The following PKHD1L1 variants were observed in gnomAD, a reference collection of about 807,000 sequenced individuals.
PKHD1L1 encodes the protein fibrocystin-L.
A neutral mutation model predicts 462.9 loss-of-function variants in PKHD1L1; 434 were observed. That is an observed-to-expected ratio of 0.94 (90% CI 0.87 to 1.02). The LOEUF is 1.02. Ranked by LOEUF, PKHD1L1 falls within the 50% of genes least tolerant of loss-of-function variation. The pLI, the probability that PKHD1L1 is intolerant of heterozygous loss-of-function variation, is 0.00. For missense variants in PKHD1L1, 5,202 were observed against 5,096.1 expected, an observed-to-expected ratio of 1.02 and a Z score of -0.63; for synonymous variants, 1,781 against 1,750.0, an observed-to-expected ratio of 1.02 and a Z score of -0.44.
At chr8:109,427,266 C>A in intron 25 of PKHD1L1, 110 bp downstream of exon 25, 1 of 854,470 alleles carries the variant, frequency 1.2e-6, no homozygotes, top group Non-Finnish European at 1.8e-6. Context: ...AAAATTCAAA[C>A]CATAAACTAA....
intron 71 of PKHD1L1, among the ~76,000 whole-genome samples, chr8:109,513,440 G>A (rs1290004822): frequency 2.0e-5 from 3 of 152,080 alleles, no homozygotes; most frequent in Admixed American, 1.3e-4. Flanking sequence ...ACTGCAGCAT[G>A]TTATTTTTAA....
In PKHD1L1 at chr8:109,429,432, C is replaced by G; in HGVS notation, c.3093C>G (p.Asp1031Glu). The G allele has an allele frequency of 3.1e-6, 5 of 1,608,060 alleles. No homozygotes were observed. Among genetic ancestry groups the G allele is most frequent in the Non-Finnish European group, 3.4e-6 (4 of 1,176,752 alleles). The change falls in exon 26 of 78, where the codon GAC (aspartate) becomes GAG (glutamate). Residue 1031 changes from aspartate to glutamate, a missense_variant. Physicochemically the swap from Asp to Glu is conservative, Grantham distance 45. Around this residue, in one of 3 missense-constraint regions of PKHD1L1, gnomAD observed 4,497 missense variants for 4,336.8 expected, o/e 1.04. Transcript: ENST00000378402. ...TATTCAGACAACATGTACTTGGAGA[C>G]CTACTTCGTACACCCAGTCAACAGC... ...GGLFRQHVLG[D>E]LLRTPSQQPQ... is the part of the protein sequence containing the mutation.
At chr8:109,509,001 G>A (rs1819840173) in intron 70 of PKHD1L1, among the ~76,000 whole-genome samples, 1 of 152,084 alleles carries the variant, frequency 6.6e-6, no homozygotes, top group Admixed American at 6.6e-5. Context: ...CCCTAAACAG[G>A]CTTAGATTAG....
At position 109,441,297 on chromosome 8, in the gene PKHD1L1, A is replaced by G. The variant is rs1388329430; in HGVS notation, c.4122A>G (p.Thr1374=). The change falls in exon 34 of 78, where the codon ACA becomes ACG. Residue 1374 remains threonine, a synonymous_variant. Transcript: ENST00000378402. ...VLLGSIPCNV[T]SSSENVIKCI... ...TAGGGTCCATCCCTTGCAATGTTAC[A>G]TCATCATCAGAAAATGTCATAAAAT... The G allele has an allele frequency of 3.2e-6, 5 of 1,582,888 alleles. No individual in the cohort carries two copies. The highest frequency in any genetic ancestry group is 1.1e-5 in the South Asian group (1 of 87,206).
intron 6 of PKHD1L1, among the ~76,000 whole-genome samples, chr8:109,386,119 C>T (rs900232298): frequency 6.6e-6 from 1 of 152,170 alleles, no homozygotes; most frequent in Non-Finnish European, 1.5e-5. Context: ...GTCAATAACT[C>T]ATTAACAGGC....
In PKHD1L1 at chr8:109,403,764, G is replaced by A. The variant is rs1436466501; in HGVS notation, c.1374-790G>A. 2.6e-5 allele frequency among the ~76,000 whole-genome samples: 4 copies of A among 152,110 alleles called. No homozygotes were observed. In the East Asian group the frequency reaches 5.8e-4, roughly 22 times the overall value. On this transcript the variant is annotated intron_variant, in intron 14 of 77. Transcript: ENST00000378402. ...CCTCATTCAGACTCTTTCATGAACT[G>A]TGGATACTTATTCTTCCTATATAAG...
intron 65 of PKHD1L1, 96 bp downstream of exon 65, chr8:109,497,368 ATC>A: frequency 1.4e-6 from 2 of 1,390,796 alleles, no homozygotes; most frequent in South Asian, 2.7e-5. Context: ...CTTAACTTCT[ATC>A]TCTGTCTCGC....
rs193045176 is a variant in PKHD1L1 at position 109,480,360 on chromosome 8, T to G, written c.9327+221T>G. 6.7e-4 allele frequency among the ~76,000 whole-genome samples: 102 copies of G among 152,150 alleles called. 1 individual carries two copies. Among genetic ancestry groups the G allele is most frequent in the Non-Finnish European group, 1.0e-3 (68 of 67,958 alleles). On this transcript the variant is annotated intron_variant, in intron 55 of 77. Transcript: ENST00000378402. ...GAGTAGTTACTATAGGATTCTTGAGTCTGCAGTTGGCCCAGTTTCCATTGT... is the reference window on the plus strand; with the variant it reads ...GAGTAGTTACTATAGGATTCTTGAGGCTGCAGTTGGCCCAGTTTCCATTGT...
At chr8:109,368,237 C>A (rs1325898538) in intron 2 of PKHD1L1, among the ~76,000 whole-genome samples, 5 of 152,176 alleles carry the variant, frequency 3.3e-5, no homozygotes. Flanking sequence ...ATTTCCCTTA[C>A]AATTTCTGGC....
intron 72 of PKHD1L1, among the ~76,000 whole-genome samples, chr8:109,516,277 T>G (rs1305586222): frequency 1.3e-5 from 2 of 151,974 alleles, no homozygotes; most frequent in African/African-American, 4.8e-5. Flanking sequence ...CAACAGAAAT[T>G]TATTTTCTCT....
At chr8:109,512,159 G>T (rs1400675265) in intron 71 of PKHD1L1, among the ~76,000 whole-genome samples, 1 of 152,072 alleles carries the variant, frequency 6.6e-6, no homozygotes, top group East Asian at 1.9e-4. Flanking sequence ...TGTTCACTCT[G>T]ATGGTAGTTT....
In PKHD1L1 at chr8:109,522,869, G is replaced by C. The variant is rs770372188; in HGVS notation, c.12309G>C (p.Ser4103=). Reference sequence around the variant, plus strand: ...GACAGCCATTTCCTCAGCAGCCTTCGGTAAAGGCAACAGATTCTGACGTAA... The same window carrying C: ...GACAGCCATTTCCTCAGCAGCCTTCCGTAAAGGCAACAGATTCTGACGTAA... ...QPGQPFPQQP[S]VKATDSDGNC... Residue 4103 remains serine, a synonymous_variant, in exon 75 of 78, where the codon TCG becomes TCC. Transcript: ENST00000378402. 12 of 1,607,836 alleles carry C rather than the reference G, an allele frequency of 7.5e-6. No homozygotes were observed. The highest frequency in any genetic ancestry group is 5.1e-5 in the Admixed American group (3 of 58,334).
At position 109,454,630 on chromosome 8, in the gene PKHD1L1, G is replaced by C. The variant is rs1248640129; in HGVS notation, c.6745-93G>C. On this transcript the variant is annotated intron_variant, in intron 44 of 77. Coordinates refer to ENST00000378402, the MANE Select transcript of PKHD1L1 (RefSeq NM_177531.6). ...AACTGAGCAATTAATTCTCAAAAGA[G>C]AAGAGAGGATAGAAAAGAACTACTT... 11 of 1,501,814 alleles carry C rather than the reference G, an allele frequency of 7.3e-6. No homozygotes were observed. In the South Asian group the frequency reaches 1.3e-4, roughly 18 times the overall value. The allele number at this position is 1,501,814 out of a possible 1,614,324, so 93.0% of individuals were successfully genotyped here.
intron 2 of PKHD1L1, among the ~76,000 whole-genome samples, chr8:109,374,230 G>A (rs1811681010): frequency 6.6e-6 from 1 of 152,176 alleles, no homozygotes. Flanking sequence ...TCTTCTTGTT[G>A]AATTGATCCC....
intron 44 of PKHD1L1, 24 bp from the exon 45 acceptor site, chr8:109,454,699 T>C: frequency 6.2e-7 from 1 of 1,607,796 alleles, no homozygotes; most frequent in Non-Finnish European, 8.5e-7. Context: ...ATTTTCTGAA[T>C]GGCATTTGTG....
chr8:109,441,981 A>T, intron 34 of PKHD1L1, 26 bp from the exon 35 acceptor site: 1 of 1,505,778 alleles, frequency 6.6e-7, no homozygotes, highest in Non-Finnish European at 8.9e-7. Flanking sequence ...TTTTCTTTTA[A>T]AATATTACTC....
Position 109,464,895 on chromosome 8 carries a change from T to C in PKHD1L1, c.8063T>C (p.Ile2688Thr). ...NYEAGIETKR[I>T]LAPYVGGWGE... ...GAGGCTGGAATTGAGACTAAGAGGATCCTGGCTCCTTATGTTGGAGGGTGG... is the reference window on the plus strand; with the variant it reads ...GAGGCTGGAATTGAGACTAAGAGGACCCTGGCTCCTTATGTTGGAGGGTGG... Residue 2688 changes from isoleucine (I) to threonine (T), a missense_variant, in exon 49 of 78, where the codon ATC (isoleucine) becomes ACC (threonine). This residue lies in a region of PKHD1L1 where 4,497 missense variants were observed against 4,336.8 expected (regional missense o/e 1.04). Transcript: ENST00000378402. The C allele has an allele frequency of 6.2e-7, 1 of 1,613,834 alleles. No homozygotes were observed. The highest frequency in any genetic ancestry group is 8.5e-7 in the Non-Finnish European group (1 of 1,179,810).
rs1169094447 is a variant in PKHD1L1 at position 109,371,344 on chromosome 8, T to C, written c.163+6708T>C. ...TTCATATCCTTTGCCCACTTTTTGA[T>C]GGGGTTGTTTGTATTTTTCTTGTAA... On this transcript the variant is annotated intron_variant, in intron 2 of 77. Transcript: ENST00000378402. Among the ~76,000 whole-genome samples the C allele has an allele frequency of 3.9e-5, 6 of 152,276 alleles. No individual in the cohort carries two copies. In the East Asian group the frequency reaches 1.2e-3, roughly 29 times the overall value.
chr8:109,400,283 A>T lies in PKHD1L1; in HGVS notation c.1220A>T (p.Tyr407Phe), dbSNP rs748176497. ...VAPDSDVYRF[Y>F]IKGDDRYAIY... Reference sequence around the variant, plus strand: ...CCAGATTCTGATGTTTATAGATTCTACATCAAGGGTGATGACCGTTATGCT... The same window carrying T: ...CCAGATTCTGATGTTTATAGATTCTTCATCAAGGGTGATGACCGTTATGCT... Residue 407 changes from tyrosine (Y) to phenylalanine (F), a missense_variant, in exon 13 of 78, where the codon TAC becomes TTC. By Grantham distance (22) the Tyr-to-Phe change is conservative. Coordinates refer to ENST00000378402, the MANE Select transcript of PKHD1L1 (RefSeq NM_177531.6). 4.3e-6 allele frequency: 7 copies of T among 1,613,524 alleles called. No homozygotes were observed. Among genetic ancestry groups the T allele is most frequent in the Middle Eastern group, 3.3e-4 (2 of 6,080 alleles).
Sources: gnomAD v4.1 joint callset for allele counts (sites outside exome capture counted in the v4.1 genomes callset) on GRCh38, gnomAD v4.1.1 for gene constraint, gnomAD v4.1.1 regional missense constraint, MANE v1.5 for transcripts, NCBI Gene and HGNC (gene_info 2026-07-23, HGNC 2026-07-21) for gene names.